CCM2: variants seen among roughly 807,000 people sequenced by gnomAD.
The protein encoded by CCM2 is cerebral cavernous malformations 2 protein.
A neutral mutation model predicts 44.9 loss-of-function variants in CCM2; 25 were observed. The observed-to-expected ratio is 0.56, with a 90% confidence interval of 0.41 to 0.78. The LOEUF (loss-of-function observed/expected upper bound fraction) is 0.78, where lower values mean the gene tolerates loss of function less well. Ranked by LOEUF, CCM2 falls within the 30% of genes least tolerant of loss-of-function variation. The pLI, the probability that CCM2 is intolerant of heterozygous loss-of-function variation, is 0.00. For synonymous variants in CCM2, 219 were observed against 241.1 expected, an observed-to-expected ratio of 0.91 and a Z score of 0.85; for missense variants, 481 against 580.6, an observed-to-expected ratio of 0.83 and a Z score of 1.76.
intron 4 of CCM2, 47 bp downstream of exon 4, chr7:45,064,693 T>C: frequency 2.5e-6 from 4 of 1,601,502 alleles, no homozygotes; most frequent in Non-Finnish European, 3.4e-6. Flanking sequence ...AAGGAGTACA[T>C]GTGTGAATTT....
rs1554353536 is a variant in CCM2 at position 45,000,457 on chromosome 7, G to GGC, written c.30+95_30+96insCG. On this transcript the variant is annotated intron_variant, in intron 1 of 9. Transcript: ENST00000258781. ...TGGGCGGGTGTTCCTTGGGGCCCGG[G>GGC]GGGGGGGGCAGTGGGCCAGCTGGCG... 3.3e-5 allele frequency: 11 copies of GGC among 337,398 alleles called. 1 individual carries two copies. The highest frequency in any genetic ancestry group is 1.1e-4 in the African/African-American group (4 of 37,290). 20.9% of individuals were successfully genotyped at this position (337,398 alleles called of 1,614,324 possible).
At chr7:45,014,623 T>TG (rs1408389742) in intron 1 of CCM2, among the ~76,000 whole-genome samples, 1 of 35,498 alleles carries the variant, frequency 2.8e-5, no homozygotes. Context: ...AGTCTTAACC[T>TG]TTTTTTTTTT....
chr7:45,070,068 G>A (rs1798988174), intron 6 of CCM2, 107 bp downstream of exon 6: 11 of 1,413,944 alleles, frequency 7.8e-6, no homozygotes, highest in South Asian at 2.4e-5. Flanking sequence ...AGTTACTGCC[G>A]TGACATGGTG....
In CCM2 at chr7:45,039,004, C is replaced by T. The variant is rs76308911; in HGVS notation, c.204+578C>T. Among the ~76,000 whole-genome samples, 9 of 152,256 alleles carry T rather than the reference C, an allele frequency of 5.9e-5. No homozygotes were observed. The South Asian group carries it at 8.3e-4, about 14-fold the overall frequency. On this transcript the variant is annotated intron_variant, in intron 2 of 9. Transcript: ENST00000258781. ...GGAGACAACAGTGGATGAGGTGGTC[C>T]GTAAACATGGAAGAAGGAAACCGCT...
intron 2 of CCM2, among the ~76,000 whole-genome samples, chr7:45,040,954 C>A (rs1797464913): frequency 2.0e-5 from 3 of 152,234 alleles, no homozygotes; most frequent in Non-Finnish European, 4.4e-5. Context: ...CGCACCCCTG[C>A]ACTCCAGCCT....
intron 1 of CCM2, among the ~76,000 whole-genome samples, chr7:45,014,360 C>G (rs904694213): frequency 6.6e-6 from 1 of 152,024 alleles, no homozygotes. Context: ...AGGCTGGTCT[C>G]GAACTCCTGA....
chr7:45,065,312 C>A (rs1038677093), intron 4 of CCM2, among the ~76,000 whole-genome samples: 2 of 152,210 alleles, frequency 1.3e-5, no homozygotes, highest in African/African-American at 4.8e-5. Context: ...GACCATGGTT[C>A]GCCCTACCTG....
chr7:45,068,300 C>A, intron 4 of CCM2, 143 bp from the exon 5 acceptor site: 3 of 1,005,308 alleles, frequency 3.0e-6, no homozygotes, highest in South Asian at 1.3e-5. Flanking sequence ...CTGGTGCAGG[C>A]CCTTCACCTG....
intron 1 of CCM2, among the ~76,000 whole-genome samples, chr7:45,023,417 T>G (rs994629984): frequency 6.7e-4 from 102 of 152,106 alleles, no homozygotes; most frequent in African/African-American, 2.2e-3. Flanking sequence ...GGGTGTGGTG[T>G]TGCGCGTCTG....
intron 5 of CCM2, among the ~76,000 whole-genome samples, chr7:45,068,864 A>G (rs1178952481): frequency 1.3e-5 from 2 of 151,432 alleles, no homozygotes; most frequent in Admixed American, 1.3e-4. Context: ...ACCGGTTCCC[A>G]CCCCTGTGCC....
At chr7:45,045,999 GAC>G (rs1797738168) in intron 2 of CCM2, among the ~76,000 whole-genome samples, 1 of 152,190 alleles carries the variant, frequency 6.6e-6, no homozygotes, top group African/African-American at 2.4e-5. Flanking sequence ...TAAGTGGAGA[GAC>G]ACACTGAATT....
chr7:45,033,680 G>C (rs1299007737), intron 1 of CCM2, among the ~76,000 whole-genome samples: 1 of 152,192 alleles, frequency 6.6e-6, no homozygotes, highest in Non-Finnish European at 1.5e-5. Flanking sequence ...GCAAGCTTCC[G>C]AAAAGCTGGG....
chr7:45,054,154 G>GGA (rs1562897031), intron 2 of CCM2, among the ~76,000 whole-genome samples: 1 of 152,158 alleles, frequency 6.6e-6, no homozygotes, highest in Non-Finnish European at 1.5e-5. Context: ...CCCGTAGCCG[G>GGA]TGTCAGCCAT....
At chr7:45,027,499 G>C in intron 1 of CCM2, 1 of 819,950 alleles carries the variant, frequency 1.2e-6, no homozygotes, top group Admixed American at 2.5e-5. Flanking sequence ...TTTACTTTGT[G>C]TCTTTTTGTG....
rs1413686539 is a variant in CCM2, at chr7:45,064,111, TG to T, written c.288+113del. On this transcript the variant is annotated intron_variant, in intron 3 of 9. Coordinates refer to ENST00000258781, the MANE Select transcript of CCM2 (RefSeq NM_031443.4). ...GGAATGAGCCAGTCCCATCACATTA[TG>T]GGTACACTTGGCTCTTGGCCATAAA... 5.5e-5 allele frequency: 41 copies of T among 741,670 alleles called. No individual in the cohort carries two copies. In the East Asian group the frequency reaches 9.9e-4, roughly 18 times the overall value. 45.9% of individuals were successfully genotyped at this position (741,670 alleles called of 1,614,324 possible).
At chr7:45,070,350 C>A in intron 6 of CCM2, 1 of 411,628 alleles carries the variant, frequency 2.4e-6, no homozygotes, top group South Asian at 1.7e-5. Flanking sequence ...TTTCAGTATG[C>A]CCAGACTATG....
chr7:45,065,518 T>G (rs3735486), intron 4 of CCM2, among the ~76,000 whole-genome samples: 54,456 of 152,012 alleles, frequency 0.36, 9,863 homozygotes, highest in Admixed American at 0.43. Flanking sequence ...GAGAGGGGAA[T>G]TTGTTGTTCC....
At chr7:45,072,609 G>C in intron 6 of CCM2, 117 bp from the exon 7 acceptor site, 1 of 786,504 alleles carries the variant, frequency 1.3e-6, no homozygotes, top group South Asian at 1.4e-5. Context: ...AGGACAGCAG[G>C]GTCCCTGAAG....
chr7:45,013,896 T>C (rs1796159211), intron 1 of CCM2, among the ~76,000 whole-genome samples: 1 of 152,220 alleles, frequency 6.6e-6, no homozygotes, highest in African/African-American at 2.4e-5. Context: ...TTCTTCTCAT[T>C]GCATCATATC....
Sources: allele counts gnomAD v4.1 joint callset (sites outside exome capture counted in the v4.1 genomes callset), GRCh38; gene constraint gnomAD v4.1.1; transcripts MANE v1.5; gene names NCBI Gene and HGNC (gene_info 2026-07-23, HGNC 2026-07-21).